BCL7C: variants seen among roughly 807,000 people sequenced by gnomAD.
BCL7C encodes B-cell CLL/lymphoma 7 protein family member C.
BCL7C carries 8 observed loss-of-function variants against 26.2 expected under a neutral mutation model. That is an observed-to-expected ratio of 0.30 (90% CI 0.18 to 0.55). The LOEUF (loss-of-function observed/expected upper bound fraction) is 0.55, where lower values mean the gene tolerates loss of function less well. Ranked by LOEUF, BCL7C falls within the 20% of genes least tolerant of loss-of-function variation. BCL7C has a pLI of 0.93. For synonymous variants in BCL7C, 90 were observed against 116.5 expected (o/e 0.77, Z 1.47); for missense variants, 262 against 298.5 (o/e 0.88, Z 0.90).
chr16:30,883,962 A>G (rs1488539019), downstream of BCL7C, among the ~76,000 whole-genome samples: 2 of 150,752 alleles, frequency 1.3e-5, no homozygotes, highest in Admixed American at 1.3e-4. Flanking sequence ...TGTCTCTACT[A>G]AAAATACAAA....
chr16:30,870,926 G>T (rs908800260), intron 5 of BCL7C, among the ~76,000 whole-genome samples: 1 of 152,184 alleles, frequency 6.6e-6, no homozygotes, highest in Non-Finnish European at 1.5e-5. Flanking sequence ...CACTGTCCTA[G>T]AATTCAGTTG....
intron 5 of BCL7C, among the ~76,000 whole-genome samples, chr16:30,837,089 C>T (rs2054574286): frequency 6.6e-6 from 1 of 151,906 alleles, no homozygotes; most frequent in South Asian, 2.1e-4. Context: ...CCACCGCGCC[C>T]GGCCGACTCC....
At chr16:30,837,460 G>A (rs922215268) in intron 5 of BCL7C, among the ~76,000 whole-genome samples, 6 of 152,054 alleles carry the variant, frequency 3.9e-5, no homozygotes, top group African/African-American at 1.4e-4. Context: ...TGATTCTCCT[G>A]CCTCAGCCTC....
chr16:30,848,494 T>A (rs891612302), intron 5 of BCL7C, among the ~76,000 whole-genome samples: 5 of 152,214 alleles, frequency 3.3e-5, no homozygotes, highest in Admixed American at 2.6e-4. Flanking sequence ...TGGCAGTAGC[T>A]AATGGATTAT....
Position 30,877,152 on chromosome 16 carries a change from G to A in BCL7C, c.528+11708C>T, listed in dbSNP as rs185837143. Among the ~76,000 whole-genome samples, 86 of 152,208 alleles carry A rather than the reference G, an allele frequency of 5.7e-4. No homozygotes were observed. In the East Asian group the frequency reaches 0.016, roughly 28 times the overall value. On this transcript the variant is annotated intron_variant, in intron 5 of 5. Transcript: ENST00000380317. ...TGAAGGGCAGAGACTCCGCCCCCAG[G>A]GCAGTCAGTGTTCTGCACCCCCTAC...
chr16:30,892,358 C>T (rs9933843), intron 4 of BCL7C, among the ~76,000 whole-genome samples: 71,930 of 145,126 alleles, frequency 0.5, 21,592 homozygotes, highest in East Asian at 0.91. Flanking sequence ...GAAAGATAAA[C>T]TAGTAAAAAA....
chr16:30,849,024 A>T (rs1196585973), intron 5 of BCL7C, among the ~76,000 whole-genome samples: 6 of 151,910 alleles, frequency 3.9e-5, no homozygotes, highest in African/African-American at 1.5e-4. Flanking sequence ...TGTCTCTACT[A>T]AAAATACAAA....
intron 4 of BCL7C, among the ~76,000 whole-genome samples, chr16:30,889,432 C>T (rs1328535229): frequency 1.3e-5 from 2 of 152,140 alleles, no homozygotes; most frequent in Non-Finnish European, 2.9e-5. Context: ...AACTGCTTGG[C>T]ACTGTCTAGA....
intron 5 of BCL7C, among the ~76,000 whole-genome samples, chr16:30,837,647 C>T (rs1221741685): frequency 6.6e-6 from 1 of 152,168 alleles, no homozygotes; most frequent in African/African-American, 2.4e-5. Flanking sequence ...TGAGCCCAGC[C>T]GTGAGGACTT....
At chr16:30,863,864 A>G (rs1191413353) in intron 5 of BCL7C, among the ~76,000 whole-genome samples, 8 of 152,026 alleles carry the variant, frequency 5.3e-5, no homozygotes, top group Admixed American at 1.3e-4. Context: ...TCTATCCCCA[A>G]TCCGCCACTC....
chr16:30,838,800 C>CA (rs1035925212), intron 5 of BCL7C, among the ~76,000 whole-genome samples: 22 of 151,816 alleles, frequency 1.4e-4, no homozygotes, highest in East Asian at 9.7e-4. Flanking sequence ...AACAAACAAA[C>CA]AAAAAAAACC....
chr16:30,890,574 G>C (rs2055210437), intron 4 of BCL7C, among the ~76,000 whole-genome samples: 1 of 152,144 alleles, frequency 6.6e-6, no homozygotes, highest in Non-Finnish European at 1.5e-5. Flanking sequence ...TGTTGGCTGG[G>C]CACGGTGGCT....
chr16:30,862,797 CCTAA>C (rs1193932269), intron 5 of BCL7C, among the ~76,000 whole-genome samples: 1 of 152,130 alleles, frequency 6.6e-6, no homozygotes, highest in Non-Finnish European at 1.5e-5. Flanking sequence ...GTTTTGCCAT[CCTAA>C]CTAAATCATT....
At chr16:30,881,392 TCACA>T (rs72155482) in intron 5 of BCL7C, among the ~76,000 whole-genome samples, 190 of 143,886 alleles carry the variant, frequency 1.3e-3, no homozygotes, top group East Asian at 3.3e-3. Context: ...TGAGACTCCG[TCACA>T]CACACACACA....
At chr16:30,888,379 C>G (rs1428758928) in intron 5 of BCL7C, among the ~76,000 whole-genome samples, 1 of 152,142 alleles carries the variant, frequency 6.6e-6, no homozygotes, top group Non-Finnish European at 1.5e-5. Context: ...CTCTGTCACC[C>G]AGGCTGGAGT....
At chr16:30,868,920 C>T (rs545860248) in intron 5 of BCL7C, among the ~76,000 whole-genome samples, 33 of 151,958 alleles carry the variant, frequency 2.2e-4, no homozygotes, top group African/African-American at 4.1e-4. Flanking sequence ...TCTCAGCTTC[C>T]ACATTACACT....
intron 5 of BCL7C, among the ~76,000 whole-genome samples, chr16:30,839,273 G>A (rs2054587890): frequency 6.6e-6 from 1 of 152,196 alleles, no homozygotes; most frequent in Non-Finnish European, 1.5e-5. Flanking sequence ...TGTCTATTGG[G>A]CTAGATTAGG....
intron 5 of BCL7C, among the ~76,000 whole-genome samples, chr16:30,844,077 C>T (rs900519015): frequency 2.9e-5 from 4 of 136,360 alleles, no homozygotes; most frequent in Non-Finnish European, 6.2e-5. Flanking sequence ...AAAGTCCGGG[C>T]GTGGTGGCTC....
At chr16:30,843,294 C>T (rs1354273149) in intron 5 of BCL7C, among the ~76,000 whole-genome samples, 1 of 152,198 alleles carries the variant, frequency 6.6e-6, no homozygotes, top group Admixed American at 6.5e-5. Flanking sequence ...GGTGCCGTGA[C>T]TCATGCCAGT....
Sources: gnomAD v4.1 joint callset for allele counts (sites outside exome capture counted in the v4.1 genomes callset) on GRCh38, gnomAD v4.1.1 for gene constraint, MANE v1.5 for transcripts, NCBI Gene and HGNC (gene_info 2026-07-23, HGNC 2026-07-21) for gene names.